The following CSRNP1 variants were observed in gnomAD, a reference collection of about 807,000 sequenced individuals.
The protein encoded by CSRNP1 is cysteine and serine rich nuclear protein 1.
CSRNP1 carries 8 observed loss-of-function variants against 25.0 expected under a neutral mutation model. The observed-to-expected ratio is 0.32, with a 90% CI of 0.19 to 0.58. The LOEUF (loss-of-function observed/expected upper bound fraction) is 0.58. Ranked by LOEUF, CSRNP1 falls within the 20% of genes least tolerant of loss-of-function variation. CSRNP1 has a pLI of 0.88. For synonymous variants in CSRNP1, 305 were observed against 303.1 expected, an observed-to-expected ratio of 1.01 and a Z score of -0.06; for missense variants, 691 against 773.1, an observed-to-expected ratio of 0.89 and a Z score of 1.26.
Position 39,143,377 on chromosome 3 carries a change from A to G in CSRNP1, c.1448T>C (p.Val483Ala). Residue 483 changes from valine to alanine, a missense_variant, in exon 5 of 5, where the codon GTG (valine) becomes GCG (alanine). Coordinates refer to ENST00000273153, the MANE Select transcript of CSRNP1 (RefSeq NM_033027.4). ...SREGSLPGTS[V>A]PPSMDAGRSS... ...CCGGCCAGCGTCCATGCTGGGTGGC[A>G]CTGAGGTGCCAGGAAGGCTGCCTTC... is the stretch of plus-strand genomic sequence containing the variant. 6.2e-7 allele frequency: 1 copy of G among 1,614,176 alleles called. No homozygotes were observed. Among genetic ancestry groups the G allele is most frequent in the South Asian group, 1.1e-5 (1 of 91,082 alleles).
At chr3:39,146,945 A>T (rs1435543942) in intron 1 of CSRNP1, among the ~76,000 whole-genome samples, 1 of 152,054 alleles carries the variant, frequency 6.6e-6, no homozygotes. Flanking sequence ...GTGCAAATCC[A>T]CAGCCTGATG....
chr3:39,149,844 T>C (rs1274961), intron 1 of CSRNP1: 117,962 of 152,244 alleles, frequency 0.77, 46,068 homozygotes, highest in East Asian at 1. Flanking sequence ...TTCAAGGGGC[T>C]TCCTGAATCC....
chr3:39,154,269 GCTTCCCCACTCCCACCTCAAC>G (rs896865463), upstream of CSRNP1: 11 of 152,182 alleles, frequency 7.2e-5, no homozygotes, highest in Admixed American at 1.3e-4. Context: ...CTTAGAACTA[GCTTCCCCACTCCCACCTCAAC>G]CTTCCCTTAA....
At position 39,143,752 on chromosome 3, in the gene CSRNP1, G is replaced by A; in HGVS notation, c.1073C>T (p.Ala358Val). The change falls in exon 5 of 5, where the codon GCA (alanine) becomes GTA (valine). Residue 358 changes from alanine to valine, a missense_variant. Transcript: ENST00000273153. ...CSSDMTDSST[A>V]SSSASGTSEA... The stretch of plus-strand genomic sequence containing the variant: ...ACTAGTGCCCGATGCTGATGAAGAT[G>A]CTGTAGAAGAATCAGTCATGTCGCT... 6.2e-7 allele frequency: 1 copy of A among 1,614,094 alleles called. No individual in the cohort carries two copies.
At chr3:39,154,014 C>G (rs1371518331), upstream of CSRNP1, 10 of 152,276 alleles carry the variant, frequency 6.6e-5, no homozygotes, top group Admixed American at 6.5e-4. Context: ...CCTGTACGCT[C>G]TCCACCCCCA....
In CSRNP1 at chr3:39,143,211, G is replaced by T. The variant is rs34628941; in HGVS notation, c.1614C>A (p.Pro538=). The T allele has an allele frequency of 1.6e-3, 2,535 of 1,614,224 alleles. 11 individuals carry two copies. Among genetic ancestry groups the T allele is most frequent in the African/African-American group, 0.015 (1,106 of 75,050 alleles). Residue 538 remains proline (P), a synonymous_variant, in exon 5 of 5, where the codon CCC becomes CCA. Coordinates refer to ENST00000273153, the MANE Select transcript of CSRNP1 (RefSeq NM_033027.4). ...CCCCAGGTGGAGACAGGCCAGGCAGGGGGAAGTGAGGTGCCTCGATGTTGT... is the reference window on the plus strand; with the variant it reads ...CCCCAGGTGGAGACAGGCCAGGCAGTGGGAAGTGAGGTGCCTCGATGTTGT... ...SLDNIEAPHF[P]LPGLSPPGDA...
At chr3:39,144,530 C>T (rs2039477673) in intron 3 of CSRNP1, 79 bp from the exon 4 acceptor site, 14 of 1,377,684 alleles carry the variant, frequency 1.0e-5, no homozygotes, top group Non-Finnish European at 1.4e-5. Flanking sequence ...GACAAACCCT[C>T]CCCAAGTGCT....
rs201069132 is a variant in CSRNP1, at chr3:39,143,147, A to G, written c.1678T>C (p.Ser560Pro). The G allele has an allele frequency of 5.5e-5, 89 of 1,613,960 alleles. No individual in the cohort carries two copies. Among genetic ancestry groups the G allele is most frequent in the Non-Finnish European group, 6.8e-5 (80 of 1,179,938 alleles). Residue 560 changes from serine (S) to proline (P), a missense_variant, in exon 5 of 5, where the codon TCC becomes CCC. By Grantham distance (74) the Ser-to-Pro change is moderately conservative. Coordinates refer to ENST00000273153, the MANE Select transcript of CSRNP1 (RefSeq NM_033027.4). Reference sequence around the variant, plus strand: ...TCTAGGGCTTCGGCGGCTGGCTCGGAGAAGCCCATGAGGGACTCCAGGAAG... The same window carrying G: ...TCTAGGGCTTCGGCGGCTGGCTCGGGGAAGCCCATGAGGGACTCCAGGAAG... ...SCFLESLMGF[S>P]EPAAEALDPF...
chr3:39,145,856 T>C (rs1263464375), intron 2 of CSRNP1, among the ~76,000 whole-genome samples: 1 of 152,252 alleles, frequency 6.6e-6, no homozygotes, highest in East Asian at 1.9e-4. Flanking sequence ...CACAGATATA[T>C]ACCTACAGTA....
In CSRNP1 at chr3:39,142,964, G is replaced by C; in HGVS notation, c.*91C>G. 7.0e-7 allele frequency: 1 copy of C among 1,437,504 alleles called. No individual in the cohort carries two copies. The highest frequency in any genetic ancestry group is 9.4e-7 in the Non-Finnish European group (1 of 1,065,360). 89.0% of individuals were successfully genotyped at this position (1,437,504 alleles called of 1,614,324 possible). A position where few individuals can be genotyped will look rare whatever the true frequency, so the allele number is the denominator to read the frequency against. On this transcript the variant is annotated 3_prime_UTR_variant, in exon 5 of 5. Coordinates refer to ENST00000273153, the MANE Select transcript of CSRNP1 (RefSeq NM_033027.4). ...ATGGCACCTGTGGGTGAGCCAGCCA[G>C]TGGGAGACTGTTACGCAGACTCTGG...
intron 3 of CSRNP1, 38 bp from the exon 4 acceptor site, chr3:39,144,489 C>G (rs751657858): frequency 6.4e-7 from 1 of 1,554,682 alleles, no homozygotes; most frequent in Admixed American, 1.7e-5. Flanking sequence ...GAAGCACAGA[C>G]ATGGACATGG....
upstream of CSRNP1, chr3:39,154,171 G>A (rs1329307997): frequency 6.6e-6 from 1 of 152,296 alleles, no homozygotes; most frequent in African/African-American, 2.4e-5. Context: ...CAGGGAGCGG[G>A]AAGGATGGAT....
Position 39,142,928 on chromosome 3 carries a change from G to A in CSRNP1, c.*127C>T. On this transcript the variant is annotated 3_prime_UTR_variant, in exon 5 of 5. Coordinates refer to ENST00000273153, the MANE Select transcript of CSRNP1 (RefSeq NM_033027.4). ...AATCCAGAGAATTGTTTGAAAACCAGGAGTGTGCACATGGCACCTGTGGGT... is the reference window on the plus strand; with the variant it reads ...AATCCAGAGAATTGTTTGAAAACCAAGAGTGTGCACATGGCACCTGTGGGT... 1 of 1,028,346 alleles carries A rather than the reference G, an allele frequency of 9.7e-7. No individual in the cohort carries two copies. The highest frequency in any genetic ancestry group is 2.4e-5 in the Admixed American group (1 of 41,674). 63.7% of individuals were successfully genotyped at this position (1,028,346 alleles called of 1,614,324 possible).
Position 39,144,245 on chromosome 3 carries a change from C to G in CSRNP1, c.672G>C (p.Lys224Asn), listed in dbSNP as rs1411806302. The stretch of plus-strand genomic sequence containing the variant: ...ATTGGCGCAGTGCCTGCAGCTCCCG[C>G]TTCTCCTCCCGATCGATCCTTCGCA... ...SGVRRIDREE[K>N]RELQALRQSR... The change falls in exon 4 of 5, where the codon AAG (lysine) becomes AAC (asparagine). Residue 224 changes from lysine (K) to asparagine (N), a missense_variant. By Grantham distance (94) the Lys-to-Asn change is moderately conservative (BLOSUM62 0). Transcript: ENST00000273153. The G allele has an allele frequency of 6.2e-7, 1 of 1,614,062 alleles. No homozygotes were observed. The highest frequency in any genetic ancestry group is 1.3e-5 in the African/African-American group (1 of 74,922).
Position 39,143,196 on chromosome 3 carries a change from A to G in CSRNP1, c.1629T>C (p.Ser543=), listed in dbSNP as rs765751680. ...AGCAACTGCTGGCATCCCCAGGTGG[A>G]GACAGGCCAGGCAGGGGGAAGTGAG... is the stretch of plus-strand genomic sequence containing the variant. ...EAPHFPLPGL[S]PPGDASSCFL... is the part of the protein sequence containing the mutation. The change falls in exon 5 of 5, where the codon TCT becomes TCC. Residue 543 remains serine, a synonymous_variant. Transcript: ENST00000273153. 2 of 1,614,092 alleles carry G rather than the reference A, an allele frequency of 1.2e-6. No homozygotes were observed. The highest frequency in any genetic ancestry group is 2.7e-5 in the African/African-American group (2 of 74,942).
Position 39,143,236 on chromosome 3 carries a change from T to A in CSRNP1, c.1589A>T (p.Asp530Val). 5.6e-6 allele frequency: 9 copies of A among 1,614,156 alleles called. No homozygotes were observed. The highest frequency in any genetic ancestry group is 7.6e-6 in the Non-Finnish European group (9 of 1,180,012). ...GGGGAAGTGAGGTGCCTCGATGTTG[T>A]CCAGGCTGTCAGACACCTTCTGTGA... is the stretch of plus-strand genomic sequence containing the variant. Reference protein sequence around the residue: ...YTSQKVSDSLDNIEAPHFPLP... With the variant: ...YTSQKVSDSLVNIEAPHFPLP... Residue 530 changes from aspartate (D) to valine (V), a missense_variant, in exon 5 of 5, where the codon GAC becomes GTC. Transcript: ENST00000273153.
chr3:39,151,856 T>G (rs758868202), intron 1 of CSRNP1: 6 of 152,306 alleles, frequency 3.9e-5, no homozygotes, highest in Non-Finnish European at 5.9e-5. Context: ...TGGCACTGGA[T>G]AGGTGCCAAA....
At position 39,143,166 on chromosome 3, in the gene CSRNP1, C is replaced by T. The variant is rs374512400; in HGVS notation, c.1659G>A (p.Leu553=). ...GCTCGGAGAAGCCCATGAGGGACTC[C>T]AGGAAGCAACTGCTGGCATCCCCAG... ...SPPGDASSCF[L]ESLMGFSEPA... is the part of the protein sequence containing the mutation. The change falls in exon 5 of 5, where the codon CTG becomes CTA. Residue 553 remains leucine (L), a synonymous_variant. Transcript: ENST00000273153. The T allele has an allele frequency of 5.4e-5, 87 of 1,614,102 alleles. No homozygotes were observed. Among genetic ancestry groups the T allele is most frequent in the Non-Finnish European group, 6.9e-5 (82 of 1,180,036 alleles).
intron 2 of CSRNP1, 134 bp downstream of exon 2, chr3:39,146,344 T>A: frequency 8.8e-7 from 1 of 1,141,048 alleles, no homozygotes; most frequent in East Asian, 2.6e-5. Flanking sequence ...GTGACCACTA[T>A]ATTATAGCTC....
Sources: gnomAD v4.1 joint callset for allele counts (sites outside exome capture counted in the v4.1 genomes callset) on GRCh38, gnomAD v4.1.1 for gene constraint, MANE v1.5 for transcripts, NCBI Gene and HGNC (gene_info 2026-07-23, HGNC 2026-07-21) for gene names.